Variants in GLRA2 observed in about 807,000 individuals in gnomAD.
GLRA2 encodes glycine receptor alpha 2.
Under a neutral mutation model 31.6 loss-of-function variants are expected in GLRA2, and 11 were observed. The observed-to-expected ratio is 0.35, with a 90% CI of 0.22 to 0.58. The LOEUF is 0.58. GLRA2 is among the 20% of genes least tolerant of loss of function. The pLI, the probability that GLRA2 is intolerant of heterozygous loss-of-function variation, is 0.84. For missense variants in GLRA2, 212 were observed against 351.8 expected (o/e 0.60, Z 3.18); for synonymous variants, 132 against 134.0 (o/e 0.99, Z 0.10).
intron 2 of GLRA2, among the ~76,000 whole-genome samples, chrX:14,551,137 T>C (rs2089556653): frequency 8.9e-6 from 1 of 111,993 alleles, no homozygotes; most frequent in African/African-American, 3.2e-5. Context: ...CTTATGGTCA[T>C]ACAGCTAGTA....
intron 7 of GLRA2, among the ~76,000 whole-genome samples, chrX:14,621,815 A>C (rs2090522901): frequency 8.9e-6 from 1 of 112,210 alleles, no homozygotes; most frequent in South Asian, 3.7e-4. Context: ...ATAGTGCTGC[A>C]ATAAACATGT....
intron 2 of GLRA2, among the ~76,000 whole-genome samples, chrX:14,560,593 T>G (rs1216416595): frequency 9.0e-6 from 1 of 110,668 alleles, no homozygotes; most frequent in East Asian, 2.8e-4. Flanking sequence ...GAGGACTGCT[T>G]GAGCCCAGGA....
At chrX:14,512,772 A>C in the GLRA2 span, among the ~76,000 whole-genome samples, 1 of 111,896 alleles carries the variant, frequency 8.9e-6, no homozygotes, top group Admixed American at 9.5e-5. Flanking sequence ...AGATGACACA[A>C]ACAAATGGAA....
the GLRA2 span, among the ~76,000 whole-genome samples, chrX:14,476,492 C>A: frequency 9.0e-6 from 1 of 111,599 alleles, no homozygotes; most frequent in Non-Finnish European, 1.9e-5. Flanking sequence ...GCTCAAGTCC[C>A]AGCCTAGCGG....
At chrX:14,647,010 G>A (rs1013049212) in intron 7 of GLRA2, among the ~76,000 whole-genome samples, 1 of 111,643 alleles carries the variant, frequency 9.0e-6, no homozygotes, top group South Asian at 3.7e-4. Context: ...TCAACATTCC[G>A]CCTTCATATT....
rs773694956 is a variant in GLRA2 at position 14,695,557 on chromosome X, G to T, written c.1080+4698G>T. Among the ~76,000 whole-genome samples, 3 of 112,228 alleles carry T rather than the reference G, an allele frequency of 2.7e-5. No individual in the cohort carries two copies. The East Asian group carries it at 8.4e-4, about 31-fold the overall frequency. On this transcript the variant is annotated intron_variant, in intron 8 of 8. Transcript: ENST00000218075. ...AAATTATTGCCAGTTCATAGATGGA[G>T]ATACTGAAGCACAAAGAGGTTAAAT...
At chrX:14,453,441 A>G in the GLRA2 span, among the ~76,000 whole-genome samples, 1 of 111,553 alleles carries the variant, frequency 9.0e-6, no homozygotes, top group Non-Finnish European at 1.9e-5. Context: ...TCAGTCCAAA[A>G]TATCAATAGG....
chrX:14,467,603 C>A, the GLRA2 span, among the ~76,000 whole-genome samples: 1 of 111,883 alleles, frequency 8.9e-6, no homozygotes, highest in African/African-American at 3.2e-5. Context: ...TTTATTACCA[C>A]CAGGAAAAAC....
chrX:14,623,873 T>G (rs1372301631), intron 7 of GLRA2, among the ~76,000 whole-genome samples: 2 of 112,030 alleles, frequency 1.8e-5, no homozygotes, highest in African/African-American at 6.5e-5. Flanking sequence ...TAAAATGAGT[T>G]AGAGAGGATT....
intron 2 of GLRA2, among the ~76,000 whole-genome samples, chrX:14,554,055 T>C (rs926053723): frequency 4.5e-5 from 5 of 112,207 alleles, no homozygotes; most frequent in African/African-American, 1.6e-4. Context: ...AATGTCCTTT[T>C]AATAAAATTG....
chrX:14,660,857 G>C (rs1410498275), intron 7 of GLRA2, among the ~76,000 whole-genome samples: 3 of 112,469 alleles, frequency 2.7e-5, no homozygotes, highest in Non-Finnish European at 3.8e-5. Flanking sequence ...AGACAGCTAT[G>C]AGACATCAAA....
chrX:14,449,724 C>A, the GLRA2 span, among the ~76,000 whole-genome samples: 1 of 112,363 alleles, frequency 8.9e-6, no homozygotes, highest in Non-Finnish European at 1.9e-5. Context: ...CAGCCCCCAT[C>A]CTGTCAGCAC....
chrX:14,465,827 A>G, the GLRA2 span, among the ~76,000 whole-genome samples: 1 of 111,839 alleles, frequency 8.9e-6, no homozygotes, highest in East Asian at 2.8e-4. Context: ...CCACTTCTTT[A>G]GGTTAATACT....
rs1182687158 is a variant in GLRA2 at position 14,661,874 on chromosome X, GAAA to G, written c.931-28820_931-28818del. 9.3e-5 allele frequency among the ~76,000 whole-genome samples: 6 copies of G among 64,462 alleles called. No individual in the cohort carries two copies. The East Asian group carries it at 2.7e-3, about 29-fold the overall frequency. The allele number at this position is 64,462 out of a possible 115,157, so 56.0% of individuals were successfully genotyped here. ...GGTGACAGAGTGAGACTCTGTCTCA[GAAA>G]AAAAAAAAAAAAAAAGTAGAAAACA... On this transcript the variant is annotated intron_variant, in intron 7 of 8. Coordinates refer to ENST00000218075, the MANE Select transcript of GLRA2 (RefSeq NM_002063.4).
chrX:14,542,114 AG>A (rs1018018819), intron 2 of GLRA2, among the ~76,000 whole-genome samples: 1 of 111,868 alleles, frequency 8.9e-6, no homozygotes, highest in African/African-American at 3.2e-5. Context: ...AAAGGGTTAT[AG>A]TCTGCAAAGT....
In GLRA2 at chrX:14,640,155, T is replaced by A. The variant is rs745643332; in HGVS notation, c.930+30950T>A. 5.4e-5 allele frequency among the ~76,000 whole-genome samples: 6 copies of A among 111,612 alleles called. No individual in the cohort carries two copies. The South Asian group carries it at 2.3e-3, about 42-fold the overall frequency. ...TTTCCTTAAGGATTTGTGTTTATTT[T>A]TTTTTTAAAGCAAGTCTTAAACTTC... On this transcript the variant is annotated intron_variant, in intron 7 of 8. Transcript: ENST00000218075.
At chrX:14,559,950 C>T (rs2089704118) in intron 2 of GLRA2, among the ~76,000 whole-genome samples, 1 of 111,559 alleles carries the variant, frequency 9.0e-6, no homozygotes, top group African/African-American at 3.3e-5. Context: ...TTGTGATCCT[C>T]CTATCCTCCA....
At chrX:14,517,664 A>T in the GLRA2 span, among the ~76,000 whole-genome samples, 2 of 111,837 alleles carry the variant, frequency 1.8e-5, no homozygotes, top group African/African-American at 6.5e-5. Context: ...ACCATTCAAG[A>T]TGAGATTTGG....
chrX:14,508,272 G>T, the GLRA2 span, among the ~76,000 whole-genome samples: 7 of 112,375 alleles, frequency 6.2e-5, no homozygotes, highest in Non-Finnish European at 1.3e-4. Context: ...GCTGTCAGGG[G>T]ATAATTAAAA....
Sources: gnomAD v4.1 joint callset for allele counts (sites outside exome capture counted in the v4.1 genomes callset) on GRCh38, gnomAD v4.1.1 for gene constraint, MANE v1.5 for transcripts, NCBI Gene and HGNC (gene_info 2026-07-23, HGNC 2026-07-21) for gene names.